Variants in NLN observed in about 807,000 individuals in gnomAD.
NLN encodes the protein neurolysin, mitochondrial.
In NLN, 64 loss-of-function variants were observed where a neutral mutation model predicts 79.9. The observed-to-expected ratio is 0.80, with a 90% CI of 0.65 to 0.99. The LOEUF (loss-of-function observed/expected upper bound fraction) is 0.99, where lower values mean the gene tolerates loss of function less well. Among genes scored for constraint, NLN ranks in the 50% least tolerant of loss-of-function variants. The probability of loss-of-function intolerance (pLI) is 0.00; values close to 1 mark genes in which losing one functional copy is unlikely to be tolerated. For synonymous variants in NLN, 267 were observed against 296.6 expected, an observed-to-expected ratio of 0.90 and a Z score of 1.02; for missense variants, 835 against 858.7, an observed-to-expected ratio of 0.97 and a Z score of 0.34.
rs143022049 is a variant in NLN at position 65,823,063 on chromosome 5, A to C, written c.*148A>C. 820 of 600,010 alleles carry C rather than the reference A, an allele frequency of 1.4e-3. 3 individuals are homozygous for C. Among genetic ancestry groups the C allele is most frequent in the African/African-American group, 0.013 (706 of 53,542 alleles). 37.2% of individuals were successfully genotyped at this position (600,010 alleles called of 1,614,324 possible). On this transcript the variant is annotated 3_prime_UTR_variant, in exon 13 of 13. Transcript: ENST00000380985. Reference sequence around the variant, plus strand: ...TTTTCTAATTTTAAAAATTATAAAGATGTAAATGGAATTATAAATACTGTG... The same window carrying C: ...TTTTCTAATTTTAAAAATTATAAAGCTGTAAATGGAATTATAAATACTGTG...
At chr5:65,777,707 A>C (rs886344351) in intron 4 of NLN, among the ~76,000 whole-genome samples, 173 bp downstream of exon 4, 1 of 152,180 alleles carries the variant, frequency 6.6e-6, no homozygotes, top group African/African-American at 2.4e-5. Flanking sequence ...TTTGTGGGTT[A>C]GGCGTGCTCT....
intron 2 of NLN, among the ~76,000 whole-genome samples, chr5:65,759,089 A>G (rs1759284738): frequency 6.6e-6 from 1 of 152,210 alleles, no homozygotes. Context: ...CATTAATTCC[A>G]CACCTAGACA....
chr5:65,746,095 T>G (rs1313334041), intron 1 of NLN, among the ~76,000 whole-genome samples: 1 of 152,132 alleles, frequency 6.6e-6, no homozygotes, highest in Non-Finnish European at 1.5e-5. Flanking sequence ...TCTGGAAGTC[T>G]TTAGCTATAG....
intron 1 of NLN, among the ~76,000 whole-genome samples, chr5:65,738,308 G>T (rs1401734511): frequency 2.1e-5 from 3 of 142,582 alleles, no homozygotes; most frequent in Non-Finnish European, 4.8e-5. Flanking sequence ...GAAAGGCCAG[G>T]TGTGGTGCCT....
rs541700321 is a variant in NLN, at chr5:65,802,965, C to T, written c.1528-6550C>T. Among the ~76,000 whole-genome samples, 7 of 151,764 alleles carry T rather than the reference C, an allele frequency of 4.6e-5. No homozygotes were observed. The East Asian group carries it at 1.2e-3, about 25-fold the overall frequency. On this transcript the variant is annotated intron_variant, in intron 9 of 12. Coordinates refer to ENST00000380985, the MANE Select transcript of NLN (RefSeq NM_020726.5). ...TATGTAGCTCCTCTTTACAGCTGAT[C>T]GTCCCGATGTCTGCTCAGCTGTCAG...
intron 9 of NLN, among the ~76,000 whole-genome samples, chr5:65,795,503 A>G (rs1199294822): frequency 1.3e-5 from 2 of 152,320 alleles, no homozygotes; most frequent in South Asian, 2.1e-4. Flanking sequence ...CCTGGCCAAC[A>G]TGGCAAAACC....
At chr5:65,809,348 A>G (rs2150773542) in intron 9 of NLN, 167 bp from the exon 10 acceptor site, 1 of 585,474 alleles carries the variant, frequency 1.7e-6, no homozygotes, top group East Asian at 2.9e-5. Flanking sequence ...CACACTGTTC[A>G]GCTGCTGTGT....
chr5:65,816,917 A>C (rs1421246040), intron 12 of NLN, among the ~76,000 whole-genome samples: 2 of 152,096 alleles, frequency 1.3e-5, no homozygotes, highest in Non-Finnish European at 2.9e-5. Flanking sequence ...GTCCCCAGGC[A>C]CTAGAGAGGC....
At chr5:65,790,885 A>G (rs1156487099) in intron 8 of NLN, among the ~76,000 whole-genome samples, 2 of 152,222 alleles carry the variant, frequency 1.3e-5, no homozygotes, top group Non-Finnish European at 2.9e-5. Flanking sequence ...GCGTCAAATA[A>G]CAATTCTTGC....
rs1176220057 is a variant in NLN, at chr5:65,788,333, G to C, written c.1174G>C (p.Gly392Arg). 23 of 1,614,154 alleles carry C rather than the reference G, an allele frequency of 1.4e-5. No homozygotes were observed. The East Asian group carries it at 5.1e-4, about 36-fold the overall frequency. ...CTTCCCAATTGAGGTGGTCACTGAA[G>C]GCTTGCTGAACACCTACCAGGAGTT... is the stretch of plus-strand genomic sequence containing the variant. ...EYFPIEVVTE[G>R]LLNTYQELLG... The change falls in exon 8 of 13, where the codon GGC (glycine) becomes CGC (arginine). Residue 392 changes from glycine to arginine, a missense_variant. Gly to Arg is a moderately radical substitution (Grantham distance 125). Coordinates refer to ENST00000380985, the MANE Select transcript of NLN (RefSeq NM_020726.5).
intron 9 of NLN, chr5:65,809,013 A>C (rs1351085728): frequency 6.5e-6 from 1 of 152,748 alleles, no homozygotes; most frequent in Non-Finnish European, 1.5e-5. Context: ...TTAAGACCTA[A>C]GCAATAGAGT....
intron 1 of NLN, among the ~76,000 whole-genome samples, chr5:65,744,278 G>C (rs913468130): frequency 6.6e-6 from 1 of 152,248 alleles, no homozygotes; most frequent in South Asian, 2.1e-4. Context: ...GATTACAGGC[G>C]TGAGCCACCA....
intron 9 of NLN, among the ~76,000 whole-genome samples, chr5:65,801,411 T>C (rs1760283384): frequency 6.6e-6 from 1 of 152,238 alleles, no homozygotes; most frequent in Admixed American, 6.5e-5. Flanking sequence ...ATTGTGAGTC[T>C]TACCCATGGT....
intron 1 of NLN, among the ~76,000 whole-genome samples, chr5:65,752,979 A>G (rs914961801): frequency 6.6e-6 from 1 of 152,058 alleles, no homozygotes; most frequent in Non-Finnish European, 1.5e-5. Context: ...GGTTCAGGGA[A>G]TAGTATTACA....
chr5:65,757,648 C>T (rs1319413853), intron 1 of NLN, among the ~76,000 whole-genome samples: 1 of 152,084 alleles, frequency 6.6e-6, no homozygotes, highest in African/African-American at 2.4e-5. Context: ...AGAAACATGG[C>T]ATCAGTATTA....
chr5:65,801,993 T>A (rs1760294809), intron 9 of NLN, among the ~76,000 whole-genome samples: 1 of 152,244 alleles, frequency 6.6e-6, no homozygotes, highest in Non-Finnish European at 1.5e-5. Context: ...TGGTGGCTGA[T>A]GGTGTGATTT....
chr5:65,772,598 A>T (rs960177052), intron 3 of NLN, among the ~76,000 whole-genome samples: 2 of 152,216 alleles, frequency 1.3e-5, no homozygotes, highest in Non-Finnish European at 2.9e-5. Flanking sequence ...CAGGGGCAAG[A>T]GGGAGCAGAA....
chr5:65,772,757 G>A (rs1759595210), intron 3 of NLN, among the ~76,000 whole-genome samples: 1 of 149,652 alleles, frequency 6.7e-6, no homozygotes, highest in African/African-American at 2.5e-5. Context: ...TAGAAACAGG[G>A]TCTGGCTCTG....
At chr5:65,771,063 A>G (rs576610173) in intron 3 of NLN, among the ~76,000 whole-genome samples, 23 of 152,328 alleles carry the variant, frequency 1.5e-4, no homozygotes, top group African/African-American at 5.3e-4. Context: ...TATAAGTTGA[A>G]GGGTGGATTT....
Sources: allele counts gnomAD v4.1 joint callset (sites outside exome capture counted in the v4.1 genomes callset), GRCh38; gene constraint gnomAD v4.1.1; transcripts MANE v1.5; gene names NCBI Gene and HGNC (gene_info 2026-07-23, HGNC 2026-07-21).